GNL3L: variants seen among roughly 807,000 people sequenced by gnomAD.
GNL3L encodes the protein guanine nucleotide-binding protein-like 3-like protein.
GNL3L carries 4 observed loss-of-function variants against 42.9 expected under a neutral mutation model. The ratio of observed to expected loss-of-function variants is 0.09; its 90% confidence interval spans 0.05 to 0.21. The LOEUF (loss-of-function observed/expected upper bound fraction) is 0.21, where lower values mean the gene tolerates loss of function less well. GNL3L is among the 10% of genes least tolerant of loss of function. The pLI, the probability that GNL3L is intolerant of heterozygous loss-of-function variation, is 1.00. For missense variants in GNL3L, 412 were observed against 481.7 expected (o/e 0.86, Z 1.36); for synonymous variants, 159 against 176.3 (o/e 0.90, Z 0.78).
At chrX:54,606,488 C>CT (rs1344245629) in intron 16 of GNL3L, among the ~76,000 whole-genome samples, 2 of 110,350 alleles carry the variant, frequency 1.8e-5, no homozygotes, top group South Asian at 7.8e-4. Flanking sequence ...TTCTCTCTCT[C>CT]TTTTTTTTAA....
chrX:54,539,802 C>T (rs1356274682), intron 3 of GNL3L, among the ~76,000 whole-genome samples: 1 of 111,693 alleles, frequency 9.0e-6, no homozygotes, highest in Non-Finnish European at 1.9e-5. Flanking sequence ...CTTGGGAAAC[C>T]TTCCCAGCTG....
At chrX:54,535,869 C>T (rs1924406032) in intron 2 of GNL3L, among the ~76,000 whole-genome samples, 1 of 110,903 alleles carries the variant, frequency 9.0e-6, no homozygotes, top group Non-Finnish European at 1.9e-5. Flanking sequence ...CTCAAGTGAT[C>T]TTCCTGCCTC....
At chrX:54,604,540 G>A (rs1337220060) in intron 16 of GNL3L, among the ~76,000 whole-genome samples, 1 of 111,111 alleles carries the variant, frequency 9.0e-6, no homozygotes, top group Non-Finnish European at 1.9e-5. Flanking sequence ...TCCAGGCATA[G>A]GAACCAGCAA....
chrX:54,570,609 A>G (rs1467460301), downstream of GNL3L, among the ~76,000 whole-genome samples: 2 of 106,332 alleles, frequency 1.9e-5, no homozygotes, highest in East Asian at 6.0e-4. Context: ...TGTTCCATGT[A>G]TGCTTTGTTC....
chrX:54,558,060 T>C (rs2147494891), intron 14 of GNL3L, among the ~76,000 whole-genome samples: 1 of 110,891 alleles, frequency 9.0e-6, no homozygotes, highest in East Asian at 2.9e-4. Flanking sequence ...ATTTTTGTAT[T>C]TTTAGTAGAG....
At chrX:54,547,602 T>C (rs1418564946) in intron 8 of GNL3L, among the ~76,000 whole-genome samples, 1 of 110,843 alleles carries the variant, frequency 9.0e-6, no homozygotes, top group Non-Finnish European at 1.9e-5. Flanking sequence ...CTACTTGGGA[T>C]GTTGAGGCAT....
At chrX:54,534,596 A>G (rs1394002155) in intron 2 of GNL3L, among the ~76,000 whole-genome samples, 1 of 111,545 alleles carries the variant, frequency 9.0e-6, no homozygotes, top group Non-Finnish European at 1.9e-5. Flanking sequence ...CCTAGATGAT[A>G]TTGGTGGATG....
At chrX:54,620,660 G>A (rs753378269) in intron 16 of GNL3L, among the ~76,000 whole-genome samples, 4 of 111,742 alleles carry the variant, frequency 3.6e-5, no homozygotes, top group Non-Finnish European at 5.6e-5. Context: ...GCCCAGCAGC[G>A]GGATTGCTGG....
At chrX:54,592,431 A>T (rs1466026522) in intron 16 of GNL3L, among the ~76,000 whole-genome samples, 2 of 112,063 alleles carry the variant, frequency 1.8e-5, no homozygotes, top group Non-Finnish European at 3.8e-5. Context: ...ATTCAGTATG[A>T]TACTAGCTGT....
At chrX:54,587,680 T>C (rs1202831390) in intron 16 of GNL3L, among the ~76,000 whole-genome samples, 1 of 109,526 alleles carries the variant, frequency 9.1e-6, no homozygotes, top group Non-Finnish European at 1.9e-5. Flanking sequence ...GGTGTTTTTT[T>C]TTTTTTCTTT....
At chrX:54,579,064 G>A (rs188742853) in intron 16 of GNL3L, among the ~76,000 whole-genome samples, 120 of 111,237 alleles carry the variant, frequency 1.1e-3, no homozygotes, top group African/African-American at 3.6e-3. Context: ...TTAAAAAGTG[G>A]GTTGTTTTGC....
At chrX:54,593,301 A>T (rs2147522082) in intron 16 of GNL3L, among the ~76,000 whole-genome samples, 1 of 110,624 alleles carries the variant, frequency 9.0e-6, no homozygotes, top group Admixed American at 9.6e-5. Flanking sequence ...CTACCTTGTT[A>T]CTTGTTATTG....
At chrX:54,623,967 C>G (rs1342017183), downstream of GNL3L, among the ~76,000 whole-genome samples, 1 of 109,139 alleles carries the variant, frequency 9.2e-6, no homozygotes, top group Non-Finnish European at 1.9e-5. Context: ...GTCACCCTGG[C>G]TGGACTGCAG....
At chrX:54,636,548 C>A in the GNL3L span, among the ~76,000 whole-genome samples, 1 of 110,106 alleles carries the variant, frequency 9.1e-6, no homozygotes, top group Non-Finnish European at 1.9e-5. Context: ...CTAGTAGTCC[C>A]CAGTGTCTAT....
At chrX:54,560,463 A>C (rs1301445379) in intron 15 of GNL3L, 57 bp from the exon 16 acceptor site, 6 of 702,821 alleles carry the variant, frequency 8.5e-6, no homozygotes, top group Non-Finnish European at 1.4e-5. Context: ...CAGCGTCAGC[A>C]GGCCTCCTGG....
chrX:54,634,869 A>G, the GNL3L span, among the ~76,000 whole-genome samples: 1 of 91,590 alleles, frequency 1.1e-5, no homozygotes, highest in African/African-American at 4.2e-5. Flanking sequence ...GGCTCACTAC[A>G]ACCTCTGCCT....
intron 16 of GNL3L, among the ~76,000 whole-genome samples, chrX:54,601,738 G>A (rs780505330): frequency 2.2e-4 from 24 of 111,508 alleles, no homozygotes; most frequent in Middle Eastern, 4.2e-3. Flanking sequence ...CAAAACTGCC[G>A]TGTTTTATTT....
chrX:54,579,988 T>G (rs1925686872), intron 16 of GNL3L, among the ~76,000 whole-genome samples: 1 of 84,665 alleles, frequency 1.2e-5, no homozygotes, highest in Non-Finnish European at 2.4e-5. Context: ...TAAAGTTTGT[T>G]TTTTTTTTTT....
At chrX:54,630,437 T>C in the GNL3L span, among the ~76,000 whole-genome samples, 1 of 110,323 alleles carries the variant, frequency 9.1e-6, no homozygotes, top group Non-Finnish European at 1.9e-5. Flanking sequence ...GTCCCAGAGG[T>C]TTTGATAGGT....
Sources: gnomAD v4.1 joint callset for allele counts (sites outside exome capture counted in the v4.1 genomes callset) on GRCh38, gnomAD v4.1.1 for gene constraint, MANE v1.5 for transcripts, NCBI Gene and HGNC (gene_info 2026-07-23, HGNC 2026-07-21) for gene names.